LATS2: variants seen among roughly 807,000 people sequenced by gnomAD.
LATS2 encodes the protein large tumor suppressor kinase 2, also known as serine/threonine-protein kinase LATS2.
Under a neutral mutation model 76.0 loss-of-function variants are expected in LATS2, and 24 were observed. That is an observed-to-expected ratio of 0.32 (90% CI 0.23 to 0.44). The LOEUF (loss-of-function observed/expected upper bound fraction) is 0.44. Ranked by LOEUF, LATS2 falls within the 20% of genes least tolerant of loss-of-function variation. The pLI, the probability that LATS2 is intolerant of heterozygous loss-of-function variation, is 1.00. For missense variants in LATS2, 1,286 were observed against 1,481.2 expected, an observed-to-expected ratio of 0.87 and a Z score of 2.16; for synonymous variants, 692 against 635.4, an observed-to-expected ratio of 1.09 and a Z score of -1.34.
Position 20,988,006 on chromosome 13 carries a change from A to C in LATS2, c.1774T>G (p.Ser592Ala). Residue 592 changes from serine to alanine, a missense_variant, in exon 4 of 8, where the codon TCA becomes GCA. Around this residue, in one of 5 missense-constraint regions of LATS2, gnomAD observed 710 missense variants for 660.9 expected, o/e 1.07. Coordinates refer to ENST00000382592, the MANE Select transcript of LATS2 (RefSeq NM_014572.3). ...KNSRDEEKRE[S>A]RIKSYSPYAF... ...TATGGCGAGTAGCTCTTGATGCGTG[A>C]CTCTCTCTTCTCTTCGTCTCTGCTG... 1.2e-6 allele frequency: 2 copies of C among 1,613,970 alleles called. No homozygotes were observed. Among genetic ancestry groups the C allele is most frequent in the East Asian group, 4.5e-5 (2 of 44,868 alleles).
intron 7 of LATS2, among the ~76,000 whole-genome samples, chr13:20,975,693 T>C (rs1474829737): frequency 6.6e-6 from 1 of 152,184 alleles, no homozygotes; most frequent in Non-Finnish European, 1.5e-5. Flanking sequence ...TCTTTCTTTT[T>C]ATTTTTTTGA....
chr13:21,009,246 C>T (rs1180403203), intron 2 of LATS2, among the ~76,000 whole-genome samples: 34 of 152,214 alleles, frequency 2.2e-4, no homozygotes, highest in Admixed American at 2.2e-3. Flanking sequence ...TCCCCCACCA[C>T]GTGGTCAGCT....
intron 3 of LATS2, 114 bp from the exon 4 acceptor site, chr13:20,989,418 C>A: frequency 1.8e-6 from 2 of 1,121,546 alleles, no homozygotes; most frequent in Non-Finnish European, 2.6e-6. Flanking sequence ...GTCTTGAACC[C>A]TGGGCCCTGA....
chr13:21,004,157 G>A (rs1871163200), intron 2 of LATS2, among the ~76,000 whole-genome samples: 1 of 152,150 alleles, frequency 6.6e-6, no homozygotes, highest in Non-Finnish European at 1.5e-5. Flanking sequence ...AACGGTGGCT[G>A]GGTGCAGTGG....
intron 2 of LATS2, among the ~76,000 whole-genome samples, chr13:21,021,628 C>T (rs1176947891): frequency 6.6e-6 from 1 of 152,122 alleles, no homozygotes; most frequent in Non-Finnish European, 1.5e-5. Context: ...TTCTTGTCAG[C>T]ATTGCTCAAA....
intron 1 of LATS2, among the ~76,000 whole-genome samples, chr13:21,049,886 C>T (rs1337538319): frequency 2.0e-5 from 3 of 152,072 alleles, no homozygotes; most frequent in African/African-American, 4.8e-5. Context: ...TTTCGGATGC[C>T]GAGGCAGGCA....
At chr13:21,020,042 ACACATTTTCATG>A (rs1480176882) in intron 2 of LATS2, among the ~76,000 whole-genome samples, 3 of 152,000 alleles carry the variant, frequency 2.0e-5, no homozygotes, top group African/African-American at 7.2e-5. Context: ...AGAACAGGGA[ACACATTTTCATG>A]CAAATGGCTC....
chr13:21,020,257 T>C (rs1371782186), intron 2 of LATS2, among the ~76,000 whole-genome samples: 1 of 152,142 alleles, frequency 6.6e-6, no homozygotes, highest in Non-Finnish European at 1.5e-5. Context: ...CTCCACTACA[T>C]CAGCCAAGTG....
chr13:21,040,919 G>A (rs536944577), intron 2 of LATS2, among the ~76,000 whole-genome samples: 59 of 152,222 alleles, frequency 3.9e-4, no homozygotes, highest in African/African-American at 1.3e-3. Flanking sequence ...TAGGCCCAGA[G>A]AGACATTAAA....
Position 20,983,710 on chromosome 13 carries a change from A to T in LATS2, c.1996T>A (p.Ser666Thr). 1 of 1,613,946 alleles carries T rather than the reference A, an allele frequency of 6.2e-7. No homozygotes were observed. The highest frequency in any genetic ancestry group is 8.5e-7 in the Non-Finnish European group (1 of 1,179,948). Reference protein sequence around the residue: ...NRLKRAKMDKSMFVKIKTLGI... With the variant: ...NRLKRAKMDKTMFVKIKTLGI... ...AGGGTTTTGATCTTGACAAACATAGACTTGTCCATCTTGGCCCTCTTTAAC... is the reference window on the plus strand; with the variant it reads ...AGGGTTTTGATCTTGACAAACATAGTCTTGTCCATCTTGGCCCTCTTTAAC... Residue 666 changes from serine (S) to threonine (T), a missense_variant, in exon 5 of 8, where the codon TCT becomes ACT. This residue lies in a region of LATS2 where 247 missense variants were observed against 385.4 expected (regional missense o/e 0.64). Transcript: ENST00000382592.
chr13:21,007,603 G>T (rs1261096652), intron 2 of LATS2, among the ~76,000 whole-genome samples: 5 of 778 alleles, frequency 6.4e-3, no homozygotes, highest in East Asian at 0.1. Flanking sequence ...TATATATATA[G>T]TGTGTATATA....
intron 2 of LATS2, among the ~76,000 whole-genome samples, chr13:21,012,225 T>G (rs962391927): frequency 1.3e-5 from 2 of 152,136 alleles, no homozygotes; most frequent in African/African-American, 4.8e-5. Flanking sequence ...TGCATATCTA[T>G]ATAGGACACT....
At chr13:21,022,264 G>GTGTGCATGTATTTGTA (rs1218707092) in intron 2 of LATS2, among the ~76,000 whole-genome samples, 1 of 152,102 alleles carries the variant, frequency 6.6e-6, no homozygotes, top group Non-Finnish European at 1.5e-5. Context: ...GCATATGTGC[G>GTGTGCATGTATTTGTA]TGTGCATGTA....
intron 1 of LATS2, among the ~76,000 whole-genome samples, chr13:21,051,922 A>G (rs1467570705): frequency 1.3e-5 from 2 of 152,136 alleles, no homozygotes; most frequent in Non-Finnish European, 2.9e-5. Flanking sequence ...ACACTACTGC[A>G]CTCCAGCCTG....
intron 2 of LATS2, among the ~76,000 whole-genome samples, chr13:21,039,836 G>A (rs1321473096): frequency 1.3e-5 from 2 of 152,224 alleles, no homozygotes; most frequent in African/African-American, 2.4e-5. Context: ...ACTTTAGGAA[G>A]CTGAGGGTGA....
intron 2 of LATS2, among the ~76,000 whole-genome samples, chr13:20,993,035 C>CAAAAAAAAA (rs551359225): frequency 2.2e-5 from 2 of 88,974 alleles, no homozygotes; most frequent in African/African-American, 1.0e-4. Context: ...ACTCCATCTC[C>CAAAAAAAAA]AAAAAAAAAA....
chr13:21,039,640 G>T (rs1005482456), intron 2 of LATS2, among the ~76,000 whole-genome samples: 1 of 152,158 alleles, frequency 6.6e-6, no homozygotes, highest in African/African-American at 2.4e-5. Context: ...CTGCAACATG[G>T]GAGGCCTTGT....
chr13:21,016,230 A>G (rs1483592135), intron 2 of LATS2, among the ~76,000 whole-genome samples: 2 of 150,376 alleles, frequency 1.3e-5, no homozygotes, highest in Admixed American at 6.6e-5. Context: ...CAGGTGATTC[A>G]CCTACCTTGG....
Position 20,981,457 on chromosome 13 carries a change from C to T in LATS2, c.2665+9G>A, listed in dbSNP as rs371007153. ...CCTCCTGCGGGGTGGCTGGCCATGG[C>T]GCATGTACCTTTGCGGAGGAGCACC... On this transcript the variant is annotated intron_variant, in intron 6 of 7. Coordinates refer to ENST00000382592, the MANE Select transcript of LATS2 (RefSeq NM_014572.3). 32 of 1,609,558 alleles carry T rather than the reference C, an allele frequency of 2.0e-5. No individual in the cohort carries two copies. The highest frequency in any genetic ancestry group is 8.9e-5 in the East Asian group (4 of 44,850).
Sources: gnomAD v4.1 joint callset for allele counts (sites outside exome capture counted in the v4.1 genomes callset) on GRCh38, gnomAD v4.1.1 for gene constraint, gnomAD v4.1.1 regional missense constraint, MANE v1.5 for transcripts, NCBI Gene and HGNC (gene_info 2026-07-23, HGNC 2026-07-21) for gene names.